Variants in NCKAP5 observed in about 807,000 individuals in gnomAD.
NCKAP5 encodes the protein nck-associated protein 5.
A neutral mutation model predicts 167.0 loss-of-function variants in NCKAP5; 92 were observed. The ratio of observed to expected loss-of-function variants is 0.55; its 90% CI spans 0.47 to 0.66. The LOEUF (loss-of-function observed/expected upper bound fraction) is 0.66, where lower values mean the gene tolerates loss of function less well. Ranked by LOEUF, NCKAP5 falls within the 30% of genes least tolerant of loss-of-function variation. The pLI is 0.00. For synonymous variants in NCKAP5, 891 were observed against 877.4 expected, an observed-to-expected ratio of 1.02 and a Z score of -0.27; for missense variants, 2,378 against 2,315.0, an observed-to-expected ratio of 1.03 and a Z score of -0.56.
chr2:133,563,141 C>T (rs1056568466), intron 1 of NCKAP5, among the ~76,000 whole-genome samples: 2 of 152,164 alleles, frequency 1.3e-5, no homozygotes, highest in Non-Finnish European at 2.9e-5. Context: ...AATGGCCAAA[C>T]ATTATTTCCA....
chr2:132,792,156 A>T (rs531787860), intron 12 of NCKAP5, among the ~76,000 whole-genome samples: 1 of 152,214 alleles, frequency 6.6e-6, no homozygotes, highest in Non-Finnish European at 1.5e-5. Flanking sequence ...AGTATTAGGC[A>T]TCTGCCTTAC....
At chr2:132,774,268 C>T (rs1234889391) in intron 15 of NCKAP5, among the ~76,000 whole-genome samples, 2 of 152,106 alleles carry the variant, frequency 1.3e-5, no homozygotes, top group African/African-American at 4.8e-5. Flanking sequence ...TAAAGTCTAA[C>T]GAGGTATAAT....
intron 3 of NCKAP5, among the ~76,000 whole-genome samples, chr2:133,420,392 T>A (rs1689398328): frequency 6.6e-6 from 1 of 152,210 alleles, no homozygotes; most frequent in African/African-American, 2.4e-5. Flanking sequence ...TTATACGAAA[T>A]GTCCAGAATA....
At chr2:133,587,708 A>C in the NCKAP5 span, among the ~76,000 whole-genome samples, 1 of 152,192 alleles carries the variant, frequency 6.6e-6, no homozygotes, top group African/African-American at 2.4e-5. Context: ...TCTCTTCCCC[A>C]TGCCTTGCCA....
chr2:132,948,364 C>T (rs975105118), intron 8 of NCKAP5, among the ~76,000 whole-genome samples: 1 of 151,990 alleles, frequency 6.6e-6, no homozygotes, highest in Non-Finnish European at 1.5e-5. Flanking sequence ...CAGCAGGTAC[C>T]CAACTAGTTG....
intron 5 of NCKAP5, among the ~76,000 whole-genome samples, chr2:133,140,894 T>C (rs79532468): frequency 0.063 from 9,617 of 151,862 alleles, 322 homozygotes; most frequent in African/African-American, 0.076. Flanking sequence ...TCCCTGTCTC[T>C]TCAAAGAGCA....
At chr2:132,730,851 A>G (rs1690930550) in intron 17 of NCKAP5, among the ~76,000 whole-genome samples, 1 of 152,236 alleles carries the variant, frequency 6.6e-6, no homozygotes, top group Non-Finnish European at 1.5e-5. Flanking sequence ...TTGTGACGCA[A>G]CATTCGTGGC....
chr2:133,268,180 A>T (rs1003776329), intron 4 of NCKAP5, among the ~76,000 whole-genome samples: 6 of 152,230 alleles, frequency 3.9e-5, no homozygotes, highest in African/African-American at 1.4e-4. Context: ...TAGGGCTCAA[A>T]TCATTCTTTT....
intron 5 of NCKAP5, among the ~76,000 whole-genome samples, chr2:133,170,547 C>T (rs1387759239): frequency 2.0e-5 from 3 of 152,180 alleles, no homozygotes; most frequent in Non-Finnish European, 4.4e-5. Context: ...TCATCTCTAC[C>T]TCTGTGCCTT....
chr2:132,781,832 T>C, intron 14 of NCKAP5, 108 bp downstream of exon 14: 1 of 1,015,566 alleles, frequency 9.8e-7, no homozygotes, highest in South Asian at 1.7e-5. Flanking sequence ...TTTCTGCCTG[T>C]ATGAAAAAAC....
At chr2:133,665,089 A>C in the NCKAP5 span, among the ~76,000 whole-genome samples, 1 of 152,172 alleles carries the variant, frequency 6.6e-6, no homozygotes, top group East Asian at 1.9e-4. Context: ...TATCTTCAAG[A>C]CCACTAAAAC....
At chr2:133,033,683 T>G (rs1382370956) in intron 6 of NCKAP5, among the ~76,000 whole-genome samples, 1 of 152,030 alleles carries the variant, frequency 6.6e-6, no homozygotes, top group African/African-American at 2.4e-5. Context: ...TTAAAAAGAA[T>G]CAAGCACTAA....
chr2:133,357,014 A>G (rs1187878798), intron 3 of NCKAP5, among the ~76,000 whole-genome samples: 1 of 152,144 alleles, frequency 6.6e-6, no homozygotes, highest in African/African-American at 2.4e-5. Context: ...TATGAGATAT[A>G]TTTGCACTAA....
At chr2:132,979,030 G>C (rs534096492) in intron 7 of NCKAP5, among the ~76,000 whole-genome samples, 3 of 152,174 alleles carry the variant, frequency 2.0e-5, no homozygotes, top group Non-Finnish European at 4.4e-5. Flanking sequence ...GGGCTGAGAA[G>C]GGTTCACTGT....
intron 3 of NCKAP5, among the ~76,000 whole-genome samples, chr2:133,372,949 G>A (rs147481031): frequency 8.0e-4 from 122 of 152,218 alleles, no homozygotes; most frequent in African/African-American, 2.4e-3. Flanking sequence ...CAACATAATC[G>A]TAATTCAGAT....
intron 5 of NCKAP5, among the ~76,000 whole-genome samples, chr2:133,180,411 G>A (rs1451087176): frequency 6.6e-6 from 1 of 151,830 alleles, no homozygotes; most frequent in African/African-American, 2.4e-5. Flanking sequence ...CTAGGCTCAC[G>A]GCAGCCTCGA....
intron 5 of NCKAP5, among the ~76,000 whole-genome samples, chr2:133,178,829 C>CA (rs66552853): frequency 0.095 from 5,497 of 57,658 alleles, 236 homozygotes; most frequent in Middle Eastern, 0.14. Context: ...GACTCCGTCT[C>CA]AAAAAAAAAA....
chr2:132,987,898 T>C (rs2149288757), intron 7 of NCKAP5, among the ~76,000 whole-genome samples: 1 of 152,336 alleles, frequency 6.6e-6, no homozygotes, highest in Middle Eastern at 3.4e-3. Flanking sequence ...CTCAGTTTCC[T>C]CTTCTGTAAA....
At chr2:132,895,147 C>G (rs58346788) in intron 8 of NCKAP5, among the ~76,000 whole-genome samples, 3 of 151,792 alleles carry the variant, frequency 2.0e-5, no homozygotes, top group Non-Finnish European at 2.9e-5. Context: ...CTGGCTAACA[C>G]GGTGAAACCC....
Sources: gnomAD v4.1 joint callset for allele counts (sites outside exome capture counted in the v4.1 genomes callset) on GRCh38, gnomAD v4.1.1 for gene constraint, MANE v1.5 for transcripts, NCBI Gene and HGNC (gene_info 2026-07-23, HGNC 2026-07-21) for gene names.